Variants in ISOC1 observed in about 807,000 individuals in gnomAD.
ISOC1 encodes the protein isochorismatase domain containing 1.
ISOC1 carries 33 observed loss-of-function variants against 30.0 expected under a neutral mutation model. The ratio of observed to expected loss-of-function variants is 1.10; its 90% CI spans 0.83 to 1.47. The LOEUF (loss-of-function observed/expected upper bound fraction) is 1.47. Among genes scored for constraint, ISOC1 ranks in the 40% most tolerant of loss-of-function variants. The probability of loss-of-function intolerance (pLI) is 0.00; values close to 1 mark genes in which losing one functional copy is unlikely to be tolerated. For missense variants in ISOC1, 372 were observed against 388.0 expected, an observed-to-expected ratio of 0.96 and a Z score of 0.35; for synonymous variants, 178 against 159.8, an observed-to-expected ratio of 1.11 and a Z score of -0.86.
chr5:129,103,332 A>G (rs1000047959), intron 1 of ISOC1, among the ~76,000 whole-genome samples: 1 of 152,216 alleles, frequency 6.6e-6, no homozygotes, highest in African/African-American at 2.4e-5. Context: ...ACCAAAGCAG[A>G]GGCATAATAC....
Position 129,112,995 on chromosome 5 carries a change from A to G in ISOC1, c.891A>G (p.Lys297=), listed in dbSNP as rs963359763. The G allele has an allele frequency of 5.6e-6, 9 of 1,611,662 alleles. No individual in the cohort carries two copies. Among genetic ancestry groups the G allele is most frequent in the Middle Eastern group, 1.7e-4 (1 of 6,048 alleles). ...CTCCAGAGTCGGGTCTGCTTTCCAA[A>G]GTATAGGACATTTGAAGAACTGGTA... ...ASAPESGLLS[K]V is the part of the protein sequence containing the mutation. Residue 297 remains lysine (K), a synonymous_variant, in exon 5 of 5, where the codon AAA becomes AAG. Transcript: ENST00000173527.
chr5:129,095,362 C>T (rs1753483164), intron 1 of ISOC1, among the ~76,000 whole-genome samples: 1 of 152,238 alleles, frequency 6.6e-6, no homozygotes, highest in Admixed American at 6.5e-5. Flanking sequence ...CTCGGTCGCC[C>T]GCATCCGCTT....
At chr5:129,102,168 A>T (rs1458742336) in intron 1 of ISOC1, among the ~76,000 whole-genome samples, 3 of 152,220 alleles carry the variant, frequency 2.0e-5, no homozygotes, top group African/African-American at 7.2e-5. Context: ...GGATGTTGGG[A>T]GTTAAACACC....
intron 1 of ISOC1, among the ~76,000 whole-genome samples, chr5:129,097,107 C>T (rs1753512381): frequency 6.6e-6 from 1 of 151,588 alleles, no homozygotes; most frequent in Admixed American, 6.6e-5. Context: ...TACTCTACTC[C>T]CTCTTCAGAA....
chr5:129,103,661 T>C (rs1413378298), intron 1 of ISOC1, among the ~76,000 whole-genome samples: 2 of 152,184 alleles, frequency 1.3e-5, no homozygotes, highest in African/African-American at 4.8e-5. Context: ...ATTTAATTCA[T>C]GTAGTAATTG....
intron 4 of ISOC1, among the ~76,000 whole-genome samples, chr5:129,108,132 T>A (rs867239495): frequency 2.2e-4 from 33 of 152,362 alleles, no homozygotes; most frequent in African/African-American, 6.3e-4. Context: ...TCCAGTGTTC[T>A]ATGCACAGTC....
intron 3 of ISOC1, among the ~76,000 whole-genome samples, chr5:129,106,658 G>T (rs1388162187): frequency 3.9e-5 from 6 of 152,160 alleles, no homozygotes; most frequent in African/African-American, 1.2e-4. Context: ...AGATCACATG[G>T]AGCAAAATCT....
Position 129,107,077 on chromosome 5 carries a change from T to A in ISOC1, c.750+15T>A. 6.4e-7 allele frequency: 1 copy of A among 1,572,640 alleles called. No homozygotes were observed. The highest frequency in any genetic ancestry group is 8.8e-7 in the Non-Finnish European group (1 of 1,142,716). ...TTGCCCTCGAGGTAATTGTCCTGCT[T>A]GGGAATAGATCATTTGTCAAGTTTT... On this transcript the variant is annotated intron_variant, in intron 4 of 4. Transcript: ENST00000173527.
chr5:129,094,978 A>C lies in ISOC1; in HGVS notation c.212A>C (p.Gln71Pro). The C allele has an allele frequency of 6.2e-7, 1 of 1,611,732 alleles. No individual in the cohort carries two copies. The highest frequency in any genetic ancestry group is 8.5e-7 in the Non-Finnish European group (1 of 1,179,794). ...QIDMHRKFVV[Q>P]LFAEEWGQYV... ...GACATGCACCGCAAATTCGTGGTGC[A>C]GCTGTTCGCCGAGGAGTGGGGCCAG... is the stretch of plus-strand genomic sequence containing the variant. Residue 71 changes from glutamine (Q) to proline (P), a missense_variant, in exon 1 of 5, where the codon CAG (glutamine) becomes CCG (proline). Gln to Pro is a moderately conservative substitution (Grantham distance 76, BLOSUM62 -1). Coordinates refer to ENST00000173527, the MANE Select transcript of ISOC1 (RefSeq NM_016048.2).
intron 4 of ISOC1, among the ~76,000 whole-genome samples, chr5:129,108,622 C>T (rs1347836835): frequency 1.3e-5 from 2 of 152,010 alleles, no homozygotes; most frequent in African/African-American, 4.8e-5. Flanking sequence ...GCAGTTCTCC[C>T]TGTCTCAGCC....
At position 129,105,231 on chromosome 5, in the gene ISOC1, A is replaced by G. The variant is rs778919409; in HGVS notation, c.476A>G (p.Gln159Arg). The G allele has an allele frequency of 1.2e-6, 2 of 1,613,938 alleles. No homozygotes were observed. The highest frequency in any genetic ancestry group is 3.3e-5 in the Admixed American group (2 of 60,006). ...ILGIPVIVTE[Q>R]YPKGLGSTVQ... is the part of the protein sequence containing the mutation. ...GGAATTCCTGTTATTGTAACAGAAC[A>G]ATACCCTAAAGGTCTTGGGAGCACG... Residue 159 changes from glutamine to arginine, a missense_variant, in exon 3 of 5, where the codon CAA (glutamine) becomes CGA (arginine). Coordinates refer to ENST00000173527, the MANE Select transcript of ISOC1 (RefSeq NM_016048.2).
intron 1 of ISOC1, among the ~76,000 whole-genome samples, chr5:129,100,101 G>A (rs942237703): frequency 4.1e-5 from 6 of 145,848 alleles, no homozygotes; most frequent in Non-Finnish European, 9.2e-5. Flanking sequence ...GAAACACTTG[G>A]GAGTGAAATA....
chr5:129,112,519 G>A (rs1034280387), intron 4 of ISOC1, among the ~76,000 whole-genome samples: 4 of 152,142 alleles, frequency 2.6e-5, no homozygotes, highest in South Asian at 2.1e-4. Flanking sequence ...TGATGGGCAC[G>A]TAGTAACAAC....
intron 4 of ISOC1, 101 bp from the exon 5 acceptor site, chr5:129,112,754 T>C (rs919119387): frequency 2.3e-6 from 3 of 1,302,990 alleles, no homozygotes; most frequent in African/African-American, 3.0e-5. Flanking sequence ...ACGGTTTCAG[T>C]AGAGGACACT....
intron 1 of ISOC1, among the ~76,000 whole-genome samples, chr5:129,095,995 C>A (rs978440751): frequency 1.3e-5 from 2 of 152,150 alleles, no homozygotes; most frequent in African/African-American, 4.8e-5. Context: ...TTTCAGAAGA[C>A]CAAACTGAAA....
intron 1 of ISOC1, among the ~76,000 whole-genome samples, chr5:129,096,383 A>G (rs1455018842): frequency 6.6e-6 from 1 of 152,132 alleles, no homozygotes; most frequent in East Asian, 1.9e-4. Flanking sequence ...TGGCAGCTGA[A>G]TTGATGATGT....
intron 1 of ISOC1, among the ~76,000 whole-genome samples, chr5:129,096,250 G>T (rs996535085): frequency 1.5e-4 from 23 of 152,020 alleles, no homozygotes; most frequent in Admixed American, 3.9e-4. Context: ...ATAAATTATT[G>T]TTAACTATAG....
At position 129,101,772 on chromosome 5, in the gene ISOC1, C is replaced by T. The variant is rs570597278; in HGVS notation, c.310-3184C>T. Among the ~76,000 whole-genome samples, 7 of 152,310 alleles carry T rather than the reference C, an allele frequency of 4.6e-5. No individual in the cohort carries two copies. In the East Asian group the frequency reaches 9.6e-4, roughly 21 times the overall value. ...TAATGTCCTTTTTCTGTTCCAAAAT[C>T]CAAACTAGGATACCAATTACATTTT... On this transcript the variant is annotated intron_variant, in intron 1 of 4. Coordinates refer to ENST00000173527, the MANE Select transcript of ISOC1 (RefSeq NM_016048.2).
chr5:129,095,216 C>G (rs1753481047), intron 1 of ISOC1, 141 bp downstream of exon 1: 2 of 804,790 alleles, frequency 2.5e-6, no homozygotes, highest in Non-Finnish European at 3.7e-6. Flanking sequence ...GTCCGAAGGG[C>G]TGCGCGTCTT....
Sources: gnomAD v4.1 joint callset for allele counts (sites outside exome capture counted in the v4.1 genomes callset) on GRCh38, gnomAD v4.1.1 for gene constraint, MANE v1.5 for transcripts, NCBI Gene and HGNC (gene_info 2026-07-23, HGNC 2026-07-21) for gene names.